Variants in GRM8 observed in about 807,000 individuals in gnomAD.
The protein encoded by GRM8 is metabotropic glutamate receptor 8.
Under a neutral mutation model 87.2 loss-of-function variants are expected in GRM8, and 47 were observed. The observed-to-expected ratio is 0.54, with a 90% CI of 0.43 to 0.69. The LOEUF is 0.69. GRM8 is among the 30% of genes least tolerant of loss of function. GRM8 has a pLI of 0.00. For synonymous variants in GRM8, 396 were observed against 404.5 expected, an observed-to-expected ratio of 0.98 and a Z score of 0.25; for missense variants, 1,019 against 1,139.2, an observed-to-expected ratio of 0.89 and a Z score of 1.52.
intron 3 of GRM8, among the ~76,000 whole-genome samples, chr7:127,018,205 T>C (rs972682163): frequency 6.6e-6 from 1 of 151,896 alleles, no homozygotes; most frequent in African/African-American, 2.4e-5. Flanking sequence ...GCTGGGCATA[T>C]ATAAAGGGCA....
intron 8 of GRM8, among the ~76,000 whole-genome samples, chr7:126,543,662 T>C (rs777884371): frequency 2.0e-5 from 3 of 152,166 alleles, no homozygotes; most frequent in Non-Finnish European, 4.4e-5. Context: ...CAAGTGTGCC[T>C]AGAGGTAAAG....
chr7:127,179,370 C>T (rs940755291), intron 2 of GRM8, among the ~76,000 whole-genome samples: 1 of 151,920 alleles, frequency 6.6e-6, no homozygotes, highest in African/African-American at 2.4e-5. Context: ...ACTAATAGAC[C>T]TAAGAAATGA....
chr7:126,964,843 T>C (rs545518008), intron 3 of GRM8, among the ~76,000 whole-genome samples: 1 of 152,332 alleles, frequency 6.6e-6, no homozygotes, highest in East Asian at 1.9e-4. Context: ...CATTCTACTG[T>C]AAACACACAT....
At chr7:127,058,548 T>A (rs1382156332) in intron 3 of GRM8, among the ~76,000 whole-genome samples, 1 of 152,044 alleles carries the variant, frequency 6.6e-6, no homozygotes, top group East Asian at 1.9e-4. Flanking sequence ...AAAAAAAAAA[T>A]TAATTTGTTT....
intron 8 of GRM8, among the ~76,000 whole-genome samples, chr7:126,538,220 A>G (rs1816070666): frequency 3.3e-5 from 5 of 152,212 alleles, no homozygotes; most frequent in Admixed American, 3.3e-4. Context: ...CGTGAAACCA[A>G]AGTTTCCGGG....
intron 9 of GRM8, among the ~76,000 whole-genome samples, chr7:126,490,417 T>C (rs1021414093): frequency 3.9e-5 from 6 of 152,054 alleles, no homozygotes; most frequent in Non-Finnish European, 5.9e-5. Context: ...GTGGAAAGAC[T>C]AGCCTTAGAG....
intron 2 of GRM8, among the ~76,000 whole-genome samples, chr7:127,237,508 T>G (rs760808160): frequency 2.6e-5 from 4 of 152,230 alleles, no homozygotes; most frequent in Non-Finnish European, 5.9e-5. Context: ...TATATCTTCA[T>G]AAACATAGCA....
intron 7 of GRM8, among the ~76,000 whole-genome samples, chr7:126,761,296 A>T (rs1203954748): frequency 6.6e-6 from 1 of 152,104 alleles, no homozygotes; most frequent in Non-Finnish European, 1.5e-5. Context: ...ATCTCCAGTA[A>T]TGAGGTTGTC....
At chr7:126,699,222 G>C (rs941918982) in intron 7 of GRM8, among the ~76,000 whole-genome samples, 7 of 152,152 alleles carry the variant, frequency 4.6e-5, no homozygotes, top group Non-Finnish European at 8.8e-5. Flanking sequence ...ACTAATGATA[G>C]ACGGAATGAG....
In GRM8 at chr7:127,252,009, C is replaced by G. The variant is rs1458797153; in HGVS notation, c.-312+788G>C. The G allele has an allele frequency of 6.6e-6, 1 of 152,240 alleles. No individual in the cohort carries two copies. Among genetic ancestry groups the G allele is most frequent in the African/African-American group, 2.4e-5 (1 of 41,456 alleles). The allele number at this position is 152,240 out of a possible 1,614,324, so 9.4% of individuals were successfully genotyped here. Reference sequence around the variant, plus strand: ...CGGCTTCCCCCGCGACCCCCATCCTCCCTAGATCCTGGTTAGACATCCATC... The same window carrying G: ...CGGCTTCCCCCGCGACCCCCATCCTGCCTAGATCCTGGTTAGACATCCATC... On this transcript the variant is annotated intron_variant, in intron 1 of 10. Coordinates refer to ENST00000339582, the MANE Select transcript of GRM8 (RefSeq NM_000845.3). This position sits in a 1 kb window ranked among gnomAD's most constrained non-coding sequence, Gnocchi z 4.9.
chr7:127,122,730 GACA>G (rs996258961), intron 2 of GRM8, among the ~76,000 whole-genome samples: 5 of 151,930 alleles, frequency 3.3e-5, no homozygotes, highest in African/African-American at 1.2e-4. Context: ...TAGAAAGTAG[GACA>G]ACAAGTAGAA....
At chr7:126,990,631 C>T (rs1812567383) in intron 3 of GRM8, among the ~76,000 whole-genome samples, 1 of 152,168 alleles carries the variant, frequency 6.6e-6, no homozygotes, top group African/African-American at 2.4e-5. Flanking sequence ...TTAAGACAGC[C>T]ATGGTTTAAA....
At chr7:127,020,465 T>A (rs982419736) in intron 3 of GRM8, among the ~76,000 whole-genome samples, 34 of 152,170 alleles carry the variant, frequency 2.2e-4, no homozygotes, top group African/African-American at 7.9e-4. Context: ...AGAAGCCCCT[T>A]ACCAAGCATC....
chr7:127,088,648 G>C (rs781139591), intron 3 of GRM8, among the ~76,000 whole-genome samples: 1 of 152,206 alleles, frequency 6.6e-6, no homozygotes, highest in African/African-American at 2.4e-5. Context: ...GTAGAACGCA[G>C]TGGTGTCAAT....
chr7:126,595,693 T>C (rs1173713056), intron 8 of GRM8, among the ~76,000 whole-genome samples: 2 of 152,104 alleles, frequency 1.3e-5, no homozygotes, highest in African/African-American at 4.8e-5. Context: ...ATCTCCTTTT[T>C]TATATGGCCA....
chr7:126,505,811 C>T (rs1279858203), intron 9 of GRM8, among the ~76,000 whole-genome samples: 1 of 152,012 alleles, frequency 6.6e-6, no homozygotes. Flanking sequence ...ATATCCATCA[C>T]CTAACATATT....
intron 8 of GRM8, among the ~76,000 whole-genome samples, chr7:126,563,993 G>A (rs1298919553): frequency 2.6e-5 from 4 of 152,158 alleles, no homozygotes; most frequent in Admixed American, 2.0e-4. Flanking sequence ...CAGGTCCAAG[G>A]CAAAAAGTTA....
At chr7:127,085,866 T>C (rs566978883) in intron 3 of GRM8, among the ~76,000 whole-genome samples, 25 of 152,332 alleles carry the variant, frequency 1.6e-4, no homozygotes, top group Non-Finnish European at 2.5e-4. Flanking sequence ...GTTTTAGTCA[T>C]GAAGTCTTTG....
At chr7:126,474,000 C>A (rs1191602637) in intron 9 of GRM8, among the ~76,000 whole-genome samples, 1 of 152,064 alleles carries the variant, frequency 6.6e-6, no homozygotes, top group Non-Finnish European at 1.5e-5. Context: ...ATTACCCAGT[C>A]TCAGATATTT....
Sources: gnomAD v4.1 joint callset for allele counts (sites outside exome capture counted in the v4.1 genomes callset) on GRCh38, gnomAD v4.1.1 for gene constraint, Gnocchi (gnomAD v3.1) non-coding constraint, MANE v1.5 for transcripts, NCBI Gene and HGNC (gene_info 2026-07-23, HGNC 2026-07-21) for gene names.